The following KCNIP4 variants were observed in gnomAD, a reference collection of about 807,000 sequenced individuals.
KCNIP4 encodes potassium voltage-gated channel interacting protein 4, also known as Kv channel-interacting protein 4.
A neutral mutation model predicts 34.0 loss-of-function variants in KCNIP4; 12 were observed. The observed-to-expected ratio is 0.35, with a 90% confidence interval of 0.23 to 0.57. The LOEUF is 0.57. Ranked by LOEUF, KCNIP4 falls within the 20% of genes least tolerant of loss-of-function variation. KCNIP4 has a pLI of 0.83. For synonymous variants in KCNIP4, 124 were observed against 102.2 expected, an observed-to-expected ratio of 1.21 and a Z score of -1.29; for missense variants, 238 against 311.7, an observed-to-expected ratio of 0.76 and a Z score of 1.78.
intron 1 of KCNIP4, among the ~76,000 whole-genome samples, chr4:20,926,403 G>A (rs1729902581): frequency 1.3e-5 from 2 of 152,208 alleles, no homozygotes; most frequent in African/African-American, 4.8e-5. Flanking sequence ...GATTAACTAT[G>A]TCATCTGCTT....
chr4:21,379,906 A>T (rs1721326510), intron 1 of KCNIP4, among the ~76,000 whole-genome samples: 1 of 125,272 alleles, frequency 8.0e-6, no homozygotes, highest in African/African-American at 3.2e-5. Flanking sequence ...CCACCATATT[A>T]GTGCTCGTTC....
At chr4:21,562,068 A>ATC (rs1257602633) in intron 1 of KCNIP4, among the ~76,000 whole-genome samples, 2 of 151,926 alleles carry the variant, frequency 1.3e-5, no homozygotes, top group African/African-American at 4.8e-5. Flanking sequence ...TCTACTGTGG[A>ATC]TCTACAAGTA....
intron 1 of KCNIP4, among the ~76,000 whole-genome samples, chr4:21,816,277 C>A (rs1560735499): frequency 6.6e-6 from 1 of 152,100 alleles, no homozygotes; most frequent in Admixed American, 6.5e-5. Context: ...TAAAATTAAC[C>A]ATTTCCAGAT....
intron 3 of KCNIP4, among the ~76,000 whole-genome samples, chr4:20,820,539 G>C (rs1716973467): frequency 6.6e-6 from 1 of 152,194 alleles, no homozygotes; most frequent in Admixed American, 6.5e-5. Flanking sequence ...AGATTGTAAA[G>C]AATAAAAAGG....
intron 1 of KCNIP4, among the ~76,000 whole-genome samples, chr4:21,761,637 CAAAA>C (rs34110194): frequency 2.7e-5 from 4 of 150,614 alleles, no homozygotes; most frequent in Non-Finnish European, 5.9e-5. Flanking sequence ...TACAAAAAAG[CAAAA>C]AAAAACTCTC....
intron 1 of KCNIP4, among the ~76,000 whole-genome samples, chr4:21,101,403 G>A (rs1186297229): frequency 6.6e-6 from 1 of 152,118 alleles, no homozygotes; most frequent in Non-Finnish European, 1.5e-5. Context: ...TTGTGTGGGT[G>A]TATACACACA....
intron 1 of KCNIP4, among the ~76,000 whole-genome samples, chr4:21,237,452 G>C (rs74679927): frequency 0.01 from 1,566 of 152,016 alleles, 29 homozygotes; most frequent in African/African-American, 0.035. Context: ...TTTAATTCCT[G>C]GTCCTATCAA....
In KCNIP4 at chr4:21,357,692, G is replaced by A. The variant is rs28752205; in HGVS notation, c.62-474983C>T. On this transcript the variant is annotated intron_variant, in intron 1 of 8. Transcript: ENST00000382152. ...CAACAGATGCTGGAGAGGATGTGGA[G>A]AAATAGGAACACTTTTACATTGTTG... Among the ~76,000 whole-genome samples the A allele has an allele frequency of 9.3e-3, 1,409 of 152,300 alleles. 17 individuals carry two copies. Among genetic ancestry groups the A allele is most frequent in the African/African-American group, 0.032 (1,326 of 41,570 alleles).
chr4:21,908,764 T>A (rs1417691989), intron 1 of KCNIP4, among the ~76,000 whole-genome samples: 6 of 152,304 alleles, frequency 3.9e-5, no homozygotes, highest in Admixed American at 1.3e-4. Context: ...AGTGTCTTAT[T>A]ATATTTTTCT....
intron 1 of KCNIP4, among the ~76,000 whole-genome samples, chr4:21,217,554 GTGAGAGATGAT>G (rs1303279690): frequency 6.6e-6 from 1 of 152,210 alleles, no homozygotes; most frequent in Non-Finnish European, 1.5e-5. Flanking sequence ...ACATTTGAAA[GTGAGAGATGAT>G]TGACCTAGAC....
chr4:21,473,481 AAG>A (rs774689967), intron 1 of KCNIP4, among the ~76,000 whole-genome samples: 3 of 152,146 alleles, frequency 2.0e-5, no homozygotes, highest in Non-Finnish European at 2.9e-5. Flanking sequence ...CTGATGGTAA[AAG>A]AGTTTTTTTA....
intron 2 of KCNIP4, among the ~76,000 whole-genome samples, chr4:20,862,007 T>TTATTATTAC (rs1271407523): frequency 6.8e-6 from 1 of 146,282 alleles, no homozygotes; most frequent in East Asian, 2.0e-4. Flanking sequence ...ATTATTATTA[T>TTATTATTAC]TGAGATGGAG....
intron 1 of KCNIP4, among the ~76,000 whole-genome samples, chr4:21,048,759 G>A (rs898167480): frequency 6.6e-6 from 1 of 151,942 alleles, no homozygotes; most frequent in Non-Finnish European, 1.5e-5. Context: ...CAAACAATAC[G>A]GCAGAAGTGA....
intron 1 of KCNIP4, among the ~76,000 whole-genome samples, chr4:21,441,230 C>T (rs1337575650): frequency 3.3e-5 from 5 of 151,840 alleles, no homozygotes; most frequent in East Asian, 3.9e-4. Context: ...CAAGCTTCAC[C>T]TCCCGGCTTC....
intron 1 of KCNIP4, among the ~76,000 whole-genome samples, chr4:21,859,140 C>G (rs12498561): frequency 0.47 from 71,607 of 151,924 alleles, 17,323 homozygotes; most frequent in African/African-American, 0.52. Flanking sequence ...TTCAGCCAAA[C>G]ATAAATAAAC....
At position 21,350,398 on chromosome 4, in the gene KCNIP4, C is replaced by T. The variant is rs1193145578; in HGVS notation, c.62-467689G>A. On this transcript the variant is annotated intron_variant, in intron 1 of 8. Transcript: ENST00000382152. The stretch of plus-strand genomic sequence containing the variant: ...AGACCCCCACCAGTGACTGAATATA[C>T]CCCAAGGAATATGCAGGCTGCTAAC... 2.6e-5 allele frequency among the ~76,000 whole-genome samples: 4 copies of T among 152,146 alleles called. No homozygotes were observed. In the South Asian group the frequency reaches 6.2e-4, roughly 24 times the overall value.
intron 5 of KCNIP4, among the ~76,000 whole-genome samples, chr4:20,748,560 T>TATATATA (rs1752879061): frequency 1.5e-5 from 1 of 64,910 alleles, no homozygotes; most frequent in Admixed American, 1.6e-4. Flanking sequence ...CTTCCAAATT[T>TATATATA]TATATATATA....
At chr4:20,997,352 A>C (rs1577507021) in intron 1 of KCNIP4, among the ~76,000 whole-genome samples, 1 of 152,342 alleles carries the variant, frequency 6.6e-6, no homozygotes, top group Non-Finnish European at 1.5e-5. Flanking sequence ...AGCTGAACCC[A>C]GCAGAGCATG....
chr4:21,460,914 T>C (rs1305678749), intron 1 of KCNIP4, among the ~76,000 whole-genome samples: 1 of 152,068 alleles, frequency 6.6e-6, no homozygotes, highest in Non-Finnish European at 1.5e-5. Context: ...TGTGGACCAG[T>C]GCAGGTTCAC....
Sources: allele counts gnomAD v4.1 joint callset (sites outside exome capture counted in the v4.1 genomes callset), GRCh38; gene constraint gnomAD v4.1.1; transcripts MANE v1.5; gene names NCBI Gene and HGNC (gene_info 2026-07-23, HGNC 2026-07-21).